The following CNTNAP2 variants were observed in gnomAD, a reference collection of about 807,000 sequenced individuals.
CNTNAP2 encodes the protein contactin-associated protein-like 2.
Under a neutral mutation model 155.2 loss-of-function variants are expected in CNTNAP2, and 98 were observed. The observed-to-expected ratio is 0.63, with a 90% CI of 0.54 to 0.75. The LOEUF is 0.75. Ranked by LOEUF, CNTNAP2 falls within the 30% of genes least tolerant of loss-of-function variation. The pLI is 0.00. For synonymous variants in CNTNAP2, 651 were observed against 631.2 expected (o/e 1.03, Z -0.47); for missense variants, 1,727 against 1,688.1 (o/e 1.02, Z -0.40).
chr7:147,526,950 G>A (rs564890849), intron 11 of CNTNAP2, among the ~76,000 whole-genome samples: 1 of 150,330 alleles, frequency 6.7e-6, no homozygotes, highest in Non-Finnish European at 1.5e-5. Context: ...TATTAGAACA[G>A]GTTAACATTA....
rs142743855 is a variant in CNTNAP2 at position 146,597,333 on chromosome 7, G to T, written c.98-176938G>T. On this transcript the variant is annotated intron_variant, in intron 1 of 23. Coordinates refer to ENST00000361727, the MANE Select transcript of CNTNAP2 (RefSeq NM_014141.6). ...CCGTGAGCATGTCACCTCTGGTCAC[G>T]TATCCACAGAGAATAATCTCATTGT... is the stretch of plus-strand genomic sequence containing the variant. Among the ~76,000 whole-genome samples the T allele has an allele frequency of 4.7e-4, 71 of 151,946 alleles. No homozygotes were observed. The East Asian group carries it at 0.012, about 27-fold the overall frequency.
intron 1 of CNTNAP2, among the ~76,000 whole-genome samples, chr7:146,608,360 A>G (rs528522934): frequency 6.6e-6 from 1 of 152,348 alleles, no homozygotes; most frequent in South Asian, 2.1e-4. Flanking sequence ...AATATGCTTA[A>G]TAATTCAGAT....
chr7:147,948,006 C>T (rs910099990), intron 14 of CNTNAP2, among the ~76,000 whole-genome samples: 5 of 152,008 alleles, frequency 3.3e-5, no homozygotes, highest in Admixed American at 3.3e-4. Context: ...CATTTCTGTA[C>T]AGAATTTTTT....
intron 15 of CNTNAP2, among the ~76,000 whole-genome samples, chr7:148,000,524 T>C (rs1219596636): frequency 6.6e-6 from 1 of 152,158 alleles, no homozygotes; most frequent in Non-Finnish European, 1.5e-5. Context: ...AAAACCATGA[T>C]AGAGATTCAG....
chr7:148,088,674 C>G (rs1321280458), intron 15 of CNTNAP2, among the ~76,000 whole-genome samples: 1 of 151,764 alleles, frequency 6.6e-6, no homozygotes, highest in African/African-American at 2.4e-5. Context: ...CAATAAAAAG[C>G]CTCCTATCAA....
Position 148,147,859 on chromosome 7 carries a change from A to C in CNTNAP2, c.2773+150A>C, listed in dbSNP as rs1805222144. 5.2e-6 allele frequency: 4 copies of C among 775,452 alleles called. No homozygotes were observed. In the East Asian group the frequency reaches 1.1e-4, roughly 21 times the overall value. 48.0% of individuals were successfully genotyped at this position (775,452 alleles called of 1,614,324 possible). On this transcript the variant is annotated intron_variant, in intron 17 of 23. Transcript: ENST00000361727. Reference sequence around the variant, plus strand: ...TTGGCCTCTTGTAGTCTCCTTCAAGACAGAATGGAATAAGGAAGAAGTTTC... The same window carrying C: ...TTGGCCTCTTGTAGTCTCCTTCAAGCCAGAATGGAATAAGGAAGAAGTTTC...
At chr7:147,011,020 C>T (rs752941247) in intron 3 of CNTNAP2, among the ~76,000 whole-genome samples, 33 of 152,022 alleles carry the variant, frequency 2.2e-4, no homozygotes, top group Non-Finnish European at 3.5e-4. Flanking sequence ...GCTTCACCAC[C>T]GTGTATTTCT....
chr7:147,709,625 T>C (rs1796373409), intron 13 of CNTNAP2, among the ~76,000 whole-genome samples: 1 of 152,140 alleles, frequency 6.6e-6, no homozygotes, highest in African/African-American at 2.4e-5. Flanking sequence ...ACTGTTCCTC[T>C]GGACTGGGCG....
Position 148,383,486 on chromosome 7 carries a change from AG to A in CNTNAP2, c.3476-162del, listed in dbSNP as rs1339203301. On this transcript the variant is annotated intron_variant, in intron 21 of 23. Transcript: ENST00000361727. Reference sequence around the variant, plus strand: ...AAGGTTCCTTTAAAGTCAAGTATGCAGCCCTAAATCTTATCGACCCATTAAT... The same window carrying A: ...AAGGTTCCTTTAAAGTCAAGTATGCACCCTAAATCTTATCGACCCATTAAT... 7.2e-5 allele frequency among the ~76,000 whole-genome samples: 11 copies of A among 152,320 alleles called. No homozygotes were observed. In the East Asian group the frequency reaches 1.9e-3, roughly 27 times the overall value.
intron 12 of CNTNAP2, among the ~76,000 whole-genome samples, chr7:147,618,999 C>T (rs1254923294): frequency 6.6e-6 from 1 of 152,184 alleles, no homozygotes; most frequent in Non-Finnish European, 1.5e-5. Flanking sequence ...GAGACAGGAA[C>T]AGGTCTCCAG....
intron 3 of CNTNAP2, among the ~76,000 whole-genome samples, chr7:147,037,756 CTA>C (rs1407528735): frequency 1.3e-5 from 2 of 152,084 alleles, no homozygotes; most frequent in Non-Finnish European, 2.9e-5. Flanking sequence ...ACAATACAGA[CTA>C]TACTAGAACC....
At chr7:146,988,028 C>T (rs541337658) in intron 3 of CNTNAP2, among the ~76,000 whole-genome samples, 17 of 152,032 alleles carry the variant, frequency 1.1e-4, no homozygotes, top group South Asian at 6.2e-4. Context: ...AATTTTCTCA[C>T]GAAAGGCCTC....
chr7:147,980,791 C>A (rs1201434664), intron 15 of CNTNAP2, among the ~76,000 whole-genome samples: 1 of 139,660 alleles, frequency 7.2e-6, no homozygotes, highest in African/African-American at 2.8e-5. Context: ...ATTAGCCGGG[C>A]GTGGTGGCGG....
intron 10 of CNTNAP2, among the ~76,000 whole-genome samples, chr7:147,404,454 G>A (rs768344731): frequency 2.6e-5 from 4 of 152,124 alleles, no homozygotes; most frequent in Non-Finnish European, 5.9e-5. Flanking sequence ...AGGTAGATAC[G>A]TTCATCTTGT....
intron 13 of CNTNAP2, among the ~76,000 whole-genome samples, chr7:147,813,828 T>C (rs1214928670): frequency 2.0e-5 from 3 of 152,196 alleles, no homozygotes; most frequent in Admixed American, 1.3e-4. Flanking sequence ...TCCATTGAGA[T>C]TGAAGGAATC....
chr7:147,356,997 T>C (rs1456338462), intron 9 of CNTNAP2, among the ~76,000 whole-genome samples: 1 of 152,080 alleles, frequency 6.6e-6, no homozygotes, highest in African/African-American at 2.4e-5. Flanking sequence ...CTTGAAATTA[T>C]ATCCTTGTCT....
At chr7:147,234,131 C>G (rs1048620194) in intron 8 of CNTNAP2, among the ~76,000 whole-genome samples, 2 of 150,990 alleles carry the variant, frequency 1.3e-5, no homozygotes, top group African/African-American at 4.9e-5. Flanking sequence ...GAAGAATAAA[C>G]TTTTCTCCTG....
rs1024766344 is a variant in CNTNAP2 at position 147,382,793 on chromosome 7, A to T, written c.1499-12816A>T. ...GTAAGAGACAAGAAGTCAGTACAGG[A>T]GGTTGAAATGTGATTGTCAGAAAAG... On this transcript the variant is annotated intron_variant, in intron 9 of 23. Coordinates refer to ENST00000361727, the MANE Select transcript of CNTNAP2 (RefSeq NM_014141.6). Among the ~76,000 whole-genome samples the T allele has an allele frequency of 1.8e-4, 27 of 152,178 alleles. 1 individual carries two copies. The highest frequency in any genetic ancestry group is 6.3e-4 in the African/African-American group (26 of 41,450).
rs112997446 is a variant in CNTNAP2 at position 147,222,228 on chromosome 7, G to A, written c.1349-77913G>A. The stretch of plus-strand genomic sequence containing the variant: ...TTTCTTGTATTCCTATTACACTTTC[G>A]TAGTTTCCCCACAGTTGTTGTATAT... On this transcript the variant is annotated intron_variant, in intron 8 of 23. Transcript: ENST00000361727. Among the ~76,000 whole-genome samples, 1,216 of 150,422 alleles carry A rather than the reference G, an allele frequency of 8.1e-3. 22 individuals are homozygous for A. The highest frequency in any genetic ancestry group is 0.028 in the African/African-American group (1,127 of 40,966).
Sources: gnomAD v4.1 joint callset for allele counts (sites outside exome capture counted in the v4.1 genomes callset) on GRCh38, gnomAD v4.1.1 for gene constraint, MANE v1.5 for transcripts, NCBI Gene and HGNC (gene_info 2026-07-23, HGNC 2026-07-21) for gene names.